GIGYF2: variants seen among roughly 807,000 people sequenced by gnomAD.
GIGYF2 encodes GRB10-interacting GYF protein 2.
GIGYF2 carries 25 observed loss-of-function variants against 208.1 expected under a neutral mutation model. The ratio of observed to expected loss-of-function variants is 0.12; its 90% CI spans 0.09 to 0.17. The LOEUF is 0.17. Ranked by LOEUF, GIGYF2 falls within the 10% of genes least tolerant of loss-of-function variation. GIGYF2 has a pLI of 1.00. For synonymous variants in GIGYF2, 534 were observed against 543.8 expected (o/e 0.98, Z 0.25); for missense variants, 1,302 against 1,579.4 (o/e 0.82, Z 2.98).
intron 6 of GIGYF2, among the ~76,000 whole-genome samples, chr2:232,756,814 A>C (rs1032247095): frequency 6.6e-6 from 1 of 152,236 alleles, no homozygotes; most frequent in Non-Finnish European, 1.5e-5. Flanking sequence ...TAATTCTGCC[A>C]CATTCATTTA....
rs1700837074 is a variant in GIGYF2 at position 232,814,330 on chromosome 2, AG to A, written c.2108-1305del. On this transcript the variant is annotated intron_variant, in intron 18 of 28. Coordinates refer to ENST00000373563, the MANE Select transcript of GIGYF2 (RefSeq NM_001103146.3). ...GTAATCCCAGCACTTTGGGAGGCCG[AG>A]GTGGGTGGATCACGAAGTCAGAAGT... Among the ~76,000 whole-genome samples the A allele has an allele frequency of 3.3e-5, 5 of 152,122 alleles. No individual in the cohort carries two copies. In the South Asian group the frequency reaches 1.0e-3, roughly 32 times the overall value.
intron 3 of GIGYF2, among the ~76,000 whole-genome samples, chr2:232,739,127 G>A (rs866017762): frequency 1.3e-5 from 2 of 151,558 alleles, no homozygotes; most frequent in Admixed American, 6.6e-5. Context: ...GGGAGGCCGA[G>A]GTGGGCAGAT....
intron 14 of GIGYF2, among the ~76,000 whole-genome samples, chr2:232,797,490 TGTG>T (rs1447088449): frequency 3.5e-3 from 2 of 578 alleles, no homozygotes; most frequent in Non-Finnish European, 5.2e-3. Context: ...GAGCAGGGCT[TGTG>T]TGTGTGTGTG....
At chr2:232,837,632 T>C (rs562993361) in intron 22 of GIGYF2, among the ~76,000 whole-genome samples, 3 of 152,016 alleles carry the variant, frequency 2.0e-5, no homozygotes, top group Admixed American at 6.6e-5. Flanking sequence ...TTTTTTTTTT[T>C]ATTTTTAGTA....
intron 8 of GIGYF2, chr2:232,771,419 T>TAAAAC: frequency 1.6e-6 from 2 of 1,290,202 alleles, no homozygotes; most frequent in Non-Finnish European, 2.2e-6. Flanking sequence ...AACTGTTTTA[T>TAAAAC]AGTTAATGTT....
chr2:232,762,847 C>T (rs1445460877), intron 8 of GIGYF2, among the ~76,000 whole-genome samples: 1 of 151,856 alleles, frequency 6.6e-6, no homozygotes, highest in East Asian at 1.9e-4. Context: ...GAAACCATGT[C>T]TCTACAAAAA....
intron 22 of GIGYF2, among the ~76,000 whole-genome samples, chr2:232,837,174 A>G (rs1005866071): frequency 3.3e-5 from 5 of 152,088 alleles, no homozygotes; most frequent in Admixed American, 2.0e-4. Context: ...ACTTGTTTGG[A>G]ACTTAGCATT....
intron 14 of GIGYF2, among the ~76,000 whole-genome samples, chr2:232,805,505 T>C (rs1700533830): frequency 6.6e-6 from 1 of 152,246 alleles, no homozygotes; most frequent in Admixed American, 6.5e-5. Context: ...TGAATATAAC[T>C]TACTTTAAGT....
intron 13 of GIGYF2, among the ~76,000 whole-genome samples, chr2:232,795,388 A>G (rs1004915605): frequency 6.6e-6 from 1 of 152,226 alleles, no homozygotes; most frequent in African/African-American, 2.4e-5. Context: ...AGTAAGTGAT[A>G]GCTTGCTTTT....
intron 8 of GIGYF2, chr2:232,771,110 G>A: frequency 6.2e-7 from 1 of 1,614,076 alleles, no homozygotes; most frequent in Non-Finnish European, 8.5e-7. Flanking sequence ...TCTAGTTCCA[G>A]ATCACCATTC....
chr2:232,839,768 G>T, intron 22 of GIGYF2, 81 bp from the exon 23 acceptor site: 1 of 1,342,938 alleles, frequency 7.4e-7, no homozygotes, highest in Non-Finnish European at 1.1e-6. Context: ...CATTTGTTCT[G>T]GGTATACATA....
intron 5 of GIGYF2, among the ~76,000 whole-genome samples, chr2:232,753,719 A>G (rs939417949): frequency 6.6e-6 from 1 of 152,164 alleles, no homozygotes; most frequent in African/African-American, 2.4e-5. Flanking sequence ...GATGAGGAAA[A>G]TGAGGCTCAG....
intron 14 of GIGYF2, among the ~76,000 whole-genome samples, chr2:232,799,458 G>A (rs1174737476): frequency 1.3e-5 from 2 of 151,900 alleles, no homozygotes; most frequent in Non-Finnish European, 2.9e-5. Context: ...ACTGAGGCAG[G>A]AGGATCACTT....
chr2:232,713,016 G>T (rs551076994), intron 2 of GIGYF2, among the ~76,000 whole-genome samples: 1 of 151,876 alleles, frequency 6.6e-6, no homozygotes, highest in Non-Finnish European at 1.5e-5. Context: ...TCTGTTGAGC[G>T]CTTGAGATGC....
chr2:232,836,331 C>G (rs2344616), intron 22 of GIGYF2, among the ~76,000 whole-genome samples: 1 of 14,930 alleles, frequency 6.7e-5, no homozygotes, highest in South Asian at 2.0e-3. Flanking sequence ...TATATATATA[C>G]ATATATATAC....
chr2:232,844,643 G>A, intron 25 of GIGYF2, 69 bp downstream of exon 25: 1 of 1,026,684 alleles, frequency 9.7e-7, no homozygotes, highest in East Asian at 2.5e-5. Context: ...GAAGTGGGAT[G>A]TTGGGTGGGC....
At chr2:232,783,553 T>TATTG (rs150623683) in intron 8 of GIGYF2, among the ~76,000 whole-genome samples, 251 of 152,358 alleles carry the variant, frequency 1.6e-3, no homozygotes, top group Non-Finnish European at 3.0e-3. Context: ...TCTACATGAA[T>TATTG]ATTGGTTCAA....
At chr2:232,742,586 G>A (rs1274181445) in intron 3 of GIGYF2, among the ~76,000 whole-genome samples, 3 of 152,084 alleles carry the variant, frequency 2.0e-5, no homozygotes, top group Admixed American at 2.0e-4. Flanking sequence ...TCTTAGTAAC[G>A]TAGGAGATTA....
intron 1 of GIGYF2, 46 bp from the exon 2 acceptor site, chr2:232,703,378 T>C (rs1194769833): frequency 6.6e-6 from 1 of 152,624 alleles, no homozygotes; most frequent in East Asian, 1.9e-4. Context: ...TAAAGTTTCC[T>C]AAGAGGTTGC....
Sources: gnomAD v4.1 joint callset for allele counts (sites outside exome capture counted in the v4.1 genomes callset) on GRCh38, gnomAD v4.1.1 for gene constraint, MANE v1.5 for transcripts, NCBI Gene and HGNC (gene_info 2026-07-23, HGNC 2026-07-21) for gene names.